The following SH3BGRL2 variants were observed in gnomAD, a reference collection of about 807,000 sequenced individuals.
SH3BGRL2 encodes SH3 domain binding glutamate rich protein like 2, also known as SH3 domain-binding glutamic acid-rich-like protein 2.
Under a neutral mutation model 14.8 loss-of-function variants are expected in SH3BGRL2, and 21 were observed. The observed-to-expected ratio is 1.42, with a 90% CI of 1.01 to 2.05. The LOEUF (loss-of-function observed/expected upper bound fraction) is 2.05, where lower values mean the gene tolerates loss of function less well. SH3BGRL2 is among the 30% of genes most tolerant of loss of function. SH3BGRL2 has a pLI of 0.00. For synonymous variants in SH3BGRL2, 50 were observed against 47.8 expected (o/e 1.05, Z -0.19); for missense variants, 147 against 130.8 (o/e 1.12, Z -0.61).
At chr6:79,621,829 G>A in the SH3BGRL2 span, among the ~76,000 whole-genome samples, 1 of 152,152 alleles carries the variant, frequency 6.6e-6, no homozygotes, top group Non-Finnish European at 1.5e-5. Flanking sequence ...GATATAAGAA[G>A]TCTGCTGGAG....
chr6:79,683,413 A>G (rs182082406), intron 2 of SH3BGRL2, among the ~76,000 whole-genome samples: 2,216 of 151,496 alleles, frequency 0.015, 25 homozygotes, highest in Non-Finnish European at 0.024. Flanking sequence ...TTTGGTTTTT[A>G]TTAGTTGTTT....
chr6:79,546,464 C>G, the SH3BGRL2 span, among the ~76,000 whole-genome samples: 255 of 152,218 alleles, frequency 1.7e-3, 1 homozygote, highest in African/African-American at 5.8e-3. Context: ...TGCCAGCAAC[C>G]ATCACCCTAG....
Position 79,700,482 on chromosome 6 carries a change from TA to T in SH3BGRL2, c.*977del, listed in dbSNP as rs1422517540. On this transcript the variant is annotated 3_prime_UTR_variant, in exon 4 of 4. Transcript: ENST00000369838. ...TTTGTGAACCCTTGATTAGACATAT[TA>T]AAATATACCAATGTTGTAGTAAAAT... is the stretch of plus-strand genomic sequence containing the variant. 2 of 152,340 alleles carry T rather than the reference TA, an allele frequency of 1.3e-5. No individual in the cohort carries two copies. Among genetic ancestry groups the T allele is most frequent in the Admixed American group, 6.5e-5 (1 of 15,300 alleles). The allele number at this position is 152,340 out of a possible 1,614,324, so 9.4% of individuals were successfully genotyped here.
the SH3BGRL2 span, among the ~76,000 whole-genome samples, chr6:79,578,867 A>C: frequency 1.3e-5 from 2 of 152,240 alleles, no homozygotes; most frequent in Admixed American, 1.3e-4. Flanking sequence ...CTAAAGGAGG[A>C]TGTTCAAACC....
chr6:79,602,964 A>G, the SH3BGRL2 span, among the ~76,000 whole-genome samples: 2 of 152,184 alleles, frequency 1.3e-5, no homozygotes. Flanking sequence ...AGAGGCAGAA[A>G]AGGAGGAAAA....
chr6:79,606,449 G>A, the SH3BGRL2 span, among the ~76,000 whole-genome samples: 4 of 152,076 alleles, frequency 2.6e-5, no homozygotes, highest in Admixed American at 6.6e-5. Context: ...TAAATTTCTC[G>A]TACTATGGTG....
chr6:79,582,166 C>T, the SH3BGRL2 span, among the ~76,000 whole-genome samples: 1 of 152,148 alleles, frequency 6.6e-6, no homozygotes, highest in Admixed American at 6.5e-5. Context: ...ATATTCCATG[C>T]TCATGGATAG....
chr6:79,546,544 A>G, the SH3BGRL2 span, among the ~76,000 whole-genome samples: 5 of 152,100 alleles, frequency 3.3e-5, no homozygotes, highest in African/African-American at 9.7e-5. Context: ...AAGAAACCAT[A>G]TTTGGCTTCT....
the SH3BGRL2 span, among the ~76,000 whole-genome samples, chr6:79,613,799 G>T: frequency 1.3e-5 from 2 of 151,994 alleles, no homozygotes; most frequent in Non-Finnish European, 2.9e-5. Flanking sequence ...GCAGAGATGG[G>T]GTTTCACCAT....
intron 2 of SH3BGRL2, among the ~76,000 whole-genome samples, chr6:79,686,453 T>C (rs1770091491): frequency 6.6e-6 from 1 of 152,170 alleles, no homozygotes; most frequent in African/African-American, 2.4e-5. Flanking sequence ...CTTGATATTC[T>C]GCATTCTGAA....
At chr6:79,597,337 AAAAG>A in the SH3BGRL2 span, among the ~76,000 whole-genome samples, 2 of 150,814 alleles carry the variant, frequency 1.3e-5, no homozygotes, top group African/African-American at 2.4e-5. Context: ...AAGAAAAGAA[AAAAG>A]AAAAGAAAGA....
chr6:79,631,497 C>T lies in SH3BGRL2; in HGVS notation c.36C>T (p.Gly12=). ...VIRVFIASSS[G]FVAIKKKQQD... Reference sequence around the variant, plus strand: ...GCGTGTTCATCGCCTCTTCCTCGGGCTTCGTGGCGGTGAGCGCGGTGGGGG... The same window carrying T: ...GCGTGTTCATCGCCTCTTCCTCGGGTTTCGTGGCGGTGAGCGCGGTGGGGG... The change falls in exon 1 of 4, where the codon GGC becomes GGT. Residue 12 remains glycine, a synonymous_variant. Transcript: ENST00000369838. The T allele has an allele frequency of 6.7e-7, 1 of 1,486,038 alleles. No individual in the cohort carries two copies. Among genetic ancestry groups the T allele is most frequent in the Admixed American group, 2.2e-5 (1 of 44,828 alleles). 92.1% of individuals were successfully genotyped at this position (1,486,038 alleles called of 1,614,324 possible). A position where few individuals can be genotyped will look rare whatever the true frequency, so the allele number is the denominator to read the frequency against.
intron 1 of SH3BGRL2, among the ~76,000 whole-genome samples, chr6:79,638,951 A>T (rs1003022193): frequency 6.6e-6 from 1 of 152,130 alleles, no homozygotes; most frequent in Non-Finnish European, 1.5e-5. Context: ...AATATGAAAA[A>T]CAAGGTGGTT....
intron 1 of SH3BGRL2, among the ~76,000 whole-genome samples, chr6:79,660,069 A>G (rs1443931172): frequency 6.6e-6 from 1 of 152,196 alleles, no homozygotes; most frequent in African/African-American, 2.4e-5. Context: ...TAAATATACA[A>G]TCATGCCGTC....
intron 3 of SH3BGRL2, among the ~76,000 whole-genome samples, chr6:79,698,497 C>G (rs2235879): frequency 0.075 from 11,416 of 152,138 alleles, 533 homozygotes; most frequent in East Asian, 0.21. Flanking sequence ...CAAAGCCTAT[C>G]AGGAAACATA....
At chr6:79,645,031 T>G (rs1333635032) in intron 1 of SH3BGRL2, among the ~76,000 whole-genome samples, 1 of 151,566 alleles carries the variant, frequency 6.6e-6, no homozygotes, top group East Asian at 2.0e-4. Context: ...GTGCTGGCAG[T>G]CGCCTGTAAT....
intron 1 of SH3BGRL2, among the ~76,000 whole-genome samples, chr6:79,651,814 G>A (rs12216227): frequency 0.45 from 68,792 of 151,986 alleles, 16,497 homozygotes; most frequent in Non-Finnish European, 0.53. Flanking sequence ...GGTATAAATG[G>A]GAGTTTGGTG....
At chr6:79,641,369 C>G (rs1239062673) in intron 1 of SH3BGRL2, among the ~76,000 whole-genome samples, 1 of 152,092 alleles carries the variant, frequency 6.6e-6, no homozygotes, top group Non-Finnish European at 1.5e-5. Flanking sequence ...GCTTACTAGC[C>G]AAAATAAATG....
At chr6:79,655,279 G>A (rs1042287930) in intron 1 of SH3BGRL2, among the ~76,000 whole-genome samples, 2 of 152,122 alleles carry the variant, frequency 1.3e-5, no homozygotes, top group East Asian at 1.9e-4. Flanking sequence ...AGGAAGGTTC[G>A]TGGTTCCCCT....
Sources: allele counts gnomAD v4.1 joint callset (sites outside exome capture counted in the v4.1 genomes callset), GRCh38; gene constraint gnomAD v4.1.1; transcripts MANE v1.5; gene names NCBI Gene and HGNC (gene_info 2026-07-23, HGNC 2026-07-21).